LIPC: variants seen among roughly 807,000 people sequenced by gnomAD.
The protein encoded by LIPC is lipase C, hepatic type, also known as hepatic triacylglycerol lipase.
Under a neutral mutation model 50.7 loss-of-function variants are expected in LIPC, and 44 were observed. The observed-to-expected ratio is 0.87, with a 90% confidence interval of 0.68 to 1.11. The LOEUF (loss-of-function observed/expected upper bound fraction) is 1.11. Ranked by LOEUF, LIPC falls within the 50% of genes most tolerant of loss-of-function variation. The pLI is 0.00. For missense variants in LIPC, 697 were observed against 648.2 expected (o/e 1.08, Z -0.82); for synonymous variants, 271 against 256.4 (o/e 1.06, Z -0.54).
At chr15:58,548,262 G>A (rs1401573734) in intron 5 of LIPC, 68 bp from the exon 6 acceptor site, 1 of 1,611,128 alleles carries the variant, frequency 6.2e-7, no homozygotes. Context: ...TGAGAACCAA[G>A]GTGATCCTCT....
chr15:58,482,341 T>C (rs1303950276), intron 1 of LIPC, among the ~76,000 whole-genome samples: 8 of 152,180 alleles, frequency 5.3e-5, no homozygotes, highest in African/African-American at 9.7e-5. Flanking sequence ...TCCATTGACC[T>C]CACCACCCTC....
At chr15:58,481,755 G>C (rs1485086727) in intron 1 of LIPC, among the ~76,000 whole-genome samples, 2 of 152,148 alleles carry the variant, frequency 1.3e-5, no homozygotes, top group Non-Finnish European at 2.9e-5. Flanking sequence ...GCCGAGATCG[G>C]GCCACTGCAC....
At chr15:58,565,217 C>A in intron 8 of LIPC, 1 of 1,535,718 alleles carries the variant, frequency 6.5e-7, no homozygotes, top group South Asian at 1.2e-5. Flanking sequence ...TTAAACTGCT[C>A]GCTCCTCTTC....
chr15:58,529,651 T>G (rs892688733), intron 1 of LIPC, among the ~76,000 whole-genome samples: 9 of 152,248 alleles, frequency 5.9e-5, no homozygotes, highest in Non-Finnish European at 7.3e-5. Context: ...GTAAGCCCTC[T>G]GAGCTTTAAC....
chr15:58,472,555 AAG>A (rs1566920202), intron 1 of LIPC, among the ~76,000 whole-genome samples: 3 of 144,552 alleles, frequency 2.1e-5, no homozygotes, highest in South Asian at 2.2e-4. Flanking sequence ...CAGCCTGGGC[AAG>A]AGAGTGAGAC....
rs1028255695 is a variant in LIPC, at chr15:58,459,617, A to T, written c.88+27497A>T. On this transcript the variant is annotated intron_variant, in intron 1 of 8. Transcript: ENST00000299022. ...GTCTTCTCTGGAGTCATATTAAGCA[A>T]TTTTTACATTTATGGAAAAGCAAAC... is the stretch of plus-strand genomic sequence containing the variant. 5.7e-4 allele frequency among the ~76,000 whole-genome samples: 87 copies of T among 152,056 alleles called. 1 individual carries two copies. Among genetic ancestry groups the T allele is most frequent in the African/African-American group, 2.0e-3 (82 of 41,380 alleles).
chr15:58,546,702 G>C (rs769688981), intron 5 of LIPC, among the ~76,000 whole-genome samples: 19 of 152,084 alleles, frequency 1.2e-4, no homozygotes, highest in Non-Finnish European at 2.2e-4. Context: ...CCCTGATTAA[G>C]ACATGCCAAT....
chr15:58,503,736 C>T (rs950203133), intron 1 of LIPC, among the ~76,000 whole-genome samples: 1 of 152,192 alleles, frequency 6.6e-6, no homozygotes, highest in Admixed American at 6.5e-5. Context: ...AGGCCCTGCA[C>T]CTGCCAGAGA....
intron 1 of LIPC, among the ~76,000 whole-genome samples, chr15:58,533,846 T>C (rs1893029993): frequency 6.6e-6 from 1 of 152,178 alleles, no homozygotes; most frequent in Non-Finnish European, 1.5e-5. Context: ...TATACTGAAA[T>C]ATATTTTCAG....
At chr15:58,567,875 G>A (rs1252086343) in intron 8 of LIPC, among the ~76,000 whole-genome samples, 1 of 152,154 alleles carries the variant, frequency 6.6e-6, no homozygotes, top group Non-Finnish European at 1.5e-5. Context: ...AGTGAAGGCC[G>A]ATGGTGAAGA....
chr15:58,497,533 G>A (rs972146865), intron 1 of LIPC, among the ~76,000 whole-genome samples: 5 of 151,840 alleles, frequency 3.3e-5, no homozygotes, highest in African/African-American at 4.8e-5. Flanking sequence ...CCTTGAAACC[G>A]TCAGATGGAA....
chr15:58,437,250 ATT>A (rs1305747149), intron 1 of LIPC, among the ~76,000 whole-genome samples: 2 of 152,122 alleles, frequency 1.3e-5, no homozygotes, highest in African/African-American at 4.8e-5. Flanking sequence ...GTGTGTGTGC[ATT>A]TTGAGTGGGG....
At chr15:58,525,284 T>C (rs1357763584) in intron 1 of LIPC, among the ~76,000 whole-genome samples, 4 of 152,254 alleles carry the variant, frequency 2.6e-5, no homozygotes, top group African/African-American at 9.6e-5. Flanking sequence ...TTGAGTGTTC[T>C]GGGTTTCTAT....
At chr15:58,515,638 G>A (rs958879993) in intron 1 of LIPC, among the ~76,000 whole-genome samples, 15 of 152,042 alleles carry the variant, frequency 9.9e-5, no homozygotes, top group African/African-American at 3.1e-4. Context: ...CTATAAAGGG[G>A]CAGAGGAGTA....
At chr15:58,534,903 A>G (rs1470463704) in intron 1 of LIPC, among the ~76,000 whole-genome samples, 1 of 152,214 alleles carries the variant, frequency 6.6e-6, no homozygotes, top group Non-Finnish European at 1.5e-5. Flanking sequence ...CAAGTTAAAA[A>G]TGTTCTTCCA....
rs577363789 is a variant in LIPC at position 58,524,690 on chromosome 15, G to T, written c.89-13643G>T. ...TGAGGATCTTTTCATATGTCAAAGG[G>T]CCATTCATATTCCTTTTTCTGTGAA... On this transcript the variant is annotated intron_variant, in intron 1 of 8. Coordinates refer to ENST00000299022, the MANE Select transcript of LIPC (RefSeq NM_000236.3). 1.3e-4 allele frequency among the ~76,000 whole-genome samples: 20 copies of T among 152,242 alleles called. No individual in the cohort carries two copies. The South Asian group carries it at 2.7e-3, about 20-fold the overall frequency.
intron 1 of LIPC, among the ~76,000 whole-genome samples, chr15:58,507,774 C>T (rs1595906836): frequency 6.6e-6 from 1 of 152,150 alleles, no homozygotes; most frequent in South Asian, 2.1e-4. Context: ...AAAAGGCATA[C>T]GAATTTATTT....
At position 58,480,501 on chromosome 15, in the gene LIPC, G is replaced by C. The variant is rs553631272; in HGVS notation, c.88+48381G>C. Among the ~76,000 whole-genome samples, 6 of 152,172 alleles carry C rather than the reference G, an allele frequency of 3.9e-5. No homozygotes were observed. The East Asian group carries it at 1.2e-3, about 29-fold the overall frequency. ...GTAGAGATGAGGTTTCACTATGTTG[G>C]CCAGGTTGATCCCAAACCCCTGACC... On this transcript the variant is annotated intron_variant, in intron 1 of 8. Coordinates refer to ENST00000299022, the MANE Select transcript of LIPC (RefSeq NM_000236.3).
chr15:58,521,025 G>A (rs1319499895), intron 1 of LIPC, among the ~76,000 whole-genome samples: 2 of 152,124 alleles, frequency 1.3e-5, no homozygotes, highest in African/African-American at 2.4e-5. Flanking sequence ...TCCGGAACTT[G>A]CTTGTTGTCT....
Sources: allele counts gnomAD v4.1 joint callset (sites outside exome capture counted in the v4.1 genomes callset), GRCh38; gene constraint gnomAD v4.1.1; transcripts MANE v1.5; gene names NCBI Gene and HGNC (gene_info 2026-07-23, HGNC 2026-07-21).